TNR: variants seen among roughly 807,000 people sequenced by gnomAD.
The protein encoded by TNR is tenascin R, also known as tenascin-R.
TNR carries 45 observed loss-of-function variants against 150.4 expected under a neutral mutation model. The observed-to-expected ratio is 0.30, with a 90% confidence interval of 0.24 to 0.38. The LOEUF (loss-of-function observed/expected upper bound fraction) is 0.38, where lower values mean the gene tolerates loss of function less well. TNR is among the 10% of genes least tolerant of loss of function. TNR has a pLI of 1.00. For synonymous variants in TNR, 687 were observed against 678.4 expected, an observed-to-expected ratio of 1.01 and a Z score of -0.20; for missense variants, 1,544 against 1,759.1, an observed-to-expected ratio of 0.88 and a Z score of 2.19.
intron 1 of TNR, among the ~76,000 whole-genome samples, chr1:175,648,531 T>A (rs549656045): frequency 1.1e-4 from 16 of 152,234 alleles, no homozygotes; most frequent in African/African-American, 3.9e-4. Context: ...TCTCACCATT[T>A]CAGATTGTCT....
At chr1:175,515,696 G>T (rs1337386576) in intron 2 of TNR, among the ~76,000 whole-genome samples, 1 of 152,196 alleles carries the variant, frequency 6.6e-6, no homozygotes, top group Non-Finnish European at 1.5e-5. Context: ...GTTAGGCAGG[G>T]ATGTGAACAG....
intron 2 of TNR, among the ~76,000 whole-genome samples, chr1:175,500,452 G>A (rs1480147408): frequency 6.6e-6 from 1 of 152,140 alleles, no homozygotes; most frequent in Non-Finnish European, 1.5e-5. Flanking sequence ...CCTGTAATAG[G>A]CCCAGGTGAA....
intron 1 of TNR, among the ~76,000 whole-genome samples, chr1:175,649,673 A>G (rs751537654): frequency 6.6e-6 from 1 of 151,992 alleles, no homozygotes; most frequent in Non-Finnish European, 1.5e-5. Context: ...TCCATGGGAG[A>G]CCACTGCCTT....
At chr1:175,553,919 C>T (rs979576305) in intron 1 of TNR, among the ~76,000 whole-genome samples, 1 of 151,592 alleles carries the variant, frequency 6.6e-6, no homozygotes, top group East Asian at 1.9e-4. Context: ...ATTCTGTGGG[C>T]AGAACAAATG....
At chr1:175,638,107 T>C (rs1222112090) in intron 1 of TNR, among the ~76,000 whole-genome samples, 1 of 152,152 alleles carries the variant, frequency 6.6e-6, no homozygotes, top group African/African-American at 2.4e-5. Context: ...CAGGCTCTTG[T>C]GGAGCAGGAA....
chr1:175,633,320 T>C (rs1664391154), intron 1 of TNR, among the ~76,000 whole-genome samples: 1 of 152,152 alleles, frequency 6.6e-6, no homozygotes, highest in Non-Finnish European at 1.5e-5. Flanking sequence ...TTGTTTCCAC[T>C]GCCCTTAGCA....
rs897318706 is a variant in TNR at position 175,324,237 on chromosome 1, C to A, written c.3957+119G>T. The stretch of plus-strand genomic sequence containing the variant: ...TGTCTGCATTATTTTTCTCAAGACT[C>A]AAAATATTTCTTTTTAAAGGGAAAT... On this transcript the variant is annotated intron_variant, in intron 22 of 22. Coordinates refer to ENST00000367674, the MANE Select transcript of TNR (RefSeq NM_003285.3). 18 of 1,157,174 alleles carry A rather than the reference C, an allele frequency of 1.6e-5. No individual in the cohort carries two copies. In the African/African-American group the frequency reaches 1.7e-4, roughly 11 times the overall value. 71.7% of individuals were successfully genotyped at this position (1,157,174 alleles called of 1,614,324 possible). A position where few individuals can be genotyped will look rare whatever the true frequency, so the allele number is the denominator to read the frequency against.
chr1:175,584,897 C>A (rs1465665396), intron 1 of TNR, among the ~76,000 whole-genome samples: 1 of 152,146 alleles, frequency 6.6e-6, no homozygotes, highest in East Asian at 1.9e-4. Context: ...CATCTCCCAC[C>A]CAACTGTCAA....
chr1:175,566,894 G>A (rs1661665807), intron 1 of TNR, among the ~76,000 whole-genome samples: 1 of 152,158 alleles, frequency 6.6e-6, no homozygotes, highest in South Asian at 2.1e-4. Context: ...GTATTCTTTA[G>A]GGAACAGAAA....
rs114555088 is a variant in TNR at position 175,721,376 on chromosome 1, G to A, written c.-165+21850C>T. Among the ~76,000 whole-genome samples, 1,048 of 152,204 alleles carry A rather than the reference G, an allele frequency of 6.9e-3. 15 individuals are homozygous for A. Among genetic ancestry groups the A allele is most frequent in the African/African-American group, 0.024 (991 of 41,522 alleles). ...CCTTTTTCTGCATGCCCAGCCTGGCGCATAGTAAGTGCTCAACAAATATGT... is the reference window on the plus strand; with the variant it reads ...CCTTTTTCTGCATGCCCAGCCTGGCACATAGTAAGTGCTCAACAAATATGT... On this transcript the variant is annotated intron_variant, in intron 1 of 22. Coordinates refer to ENST00000367674, the MANE Select transcript of TNR (RefSeq NM_003285.3).
chr1:175,381,336 G>A (rs1652669619), intron 8 of TNR, among the ~76,000 whole-genome samples: 1 of 152,166 alleles, frequency 6.6e-6, no homozygotes, highest in Admixed American at 6.5e-5. Flanking sequence ...TCTACCTAGT[G>A]CTCTTCACAA....
At chr1:175,423,171 A>G (rs1654829162) in intron 2 of TNR, among the ~76,000 whole-genome samples, 1 of 152,210 alleles carries the variant, frequency 6.6e-6, no homozygotes, top group African/African-American at 2.4e-5. Context: ...CACATAATTG[A>G]TGGGAAGGTA....
At chr1:175,495,031 C>T (rs777288424) in intron 2 of TNR, among the ~76,000 whole-genome samples, 5 of 152,228 alleles carry the variant, frequency 3.3e-5, no homozygotes, top group Non-Finnish European at 7.3e-5. Flanking sequence ...GCGTTCACTT[C>T]TGCAGGCACG....
At chr1:175,493,744 A>G in intron 2 of TNR, among the ~76,000 whole-genome samples, 1 of 152,132 alleles carries the variant, frequency 6.6e-6, no homozygotes, top group Non-Finnish European at 1.5e-5. Context: ...CCTGGCCCCA[A>G]GCCATGGGAG....
intron 2 of TNR, among the ~76,000 whole-genome samples, chr1:175,437,583 T>C (rs1191170731): frequency 2.6e-5 from 4 of 151,946 alleles, no homozygotes; most frequent in Non-Finnish European, 4.4e-5. Context: ...ATCAATGAAT[T>C]CAGGAGCTGG....
At chr1:175,446,124 C>T (rs116546201) in intron 2 of TNR, among the ~76,000 whole-genome samples, 136 of 152,162 alleles carry the variant, frequency 8.9e-4, no homozygotes, top group Middle Eastern at 6.8e-3. Flanking sequence ...TTTCTGATTC[C>T]GAGAGGAGGG....
chr1:175,592,571 C>T (rs1459707940), intron 1 of TNR, among the ~76,000 whole-genome samples: 3 of 152,250 alleles, frequency 2.0e-5, no homozygotes, highest in African/African-American at 7.2e-5. Context: ...CTCACTCTCT[C>T]TTGCCATCAC....
rs1026891106 is a variant in TNR, at chr1:175,404,433, C to T, written c.500-817G>A. On this transcript the variant is annotated intron_variant, in intron 3 of 22. Transcript: ENST00000367674. ...TTGCTATGACCCCTCTGGGATTCTA[C>T]GCATGTCTCTGTCCTAGACCTTACT... Among the ~76,000 whole-genome samples the T allele has an allele frequency of 5.3e-5, 8 of 152,296 alleles. No homozygotes were observed. The South Asian group carries it at 6.2e-4, about 12-fold the overall frequency.
chr1:175,374,021 GCACT>G (rs1652249546), intron 9 of TNR, among the ~76,000 whole-genome samples: 2 of 152,232 alleles, frequency 1.3e-5, no homozygotes, highest in South Asian at 2.1e-4. Flanking sequence ...AGGAGGCTGA[GCACT>G]GTCTGGCCCG....
Sources: allele counts gnomAD v4.1 joint callset (sites outside exome capture counted in the v4.1 genomes callset), GRCh38; gene constraint gnomAD v4.1.1; transcripts MANE v1.5; gene names NCBI Gene and HGNC (gene_info 2026-07-23, HGNC 2026-07-21).